CEP162: variants seen among roughly 807,000 people sequenced by gnomAD.
CEP162 encodes centrosomal protein of 162 kDa.
In CEP162, 141 loss-of-function variants were observed where a neutral mutation model predicts 169.2. The observed-to-expected ratio is 0.83, with a 90% CI of 0.73 to 0.96. The LOEUF is 0.96. CEP162 is among the 40% of genes least tolerant of loss of function. CEP162 has a pLI of 0.00. For synonymous variants in CEP162, 540 were observed against 526.4 expected (o/e 1.03, Z -0.35); for missense variants, 1,600 against 1,587.2 (o/e 1.01, Z -0.14).
At chr6:84,217,979 C>A (rs533619501) in intron 3 of CEP162, 55 of 152,266 alleles carry the variant, frequency 3.6e-4, no homozygotes, top group African/African-American at 1.3e-3. Context: ...TCTAATGGAA[C>A]AAGAGACGTG....
At position 84,193,611 on chromosome 6, in the gene CEP162, G is replaced by C; in HGVS notation, c.1107C>G (p.Val369=). The C allele has an allele frequency of 1.9e-6, 3 of 1,539,860 alleles. No individual in the cohort carries two copies. Among genetic ancestry groups the C allele is most frequent in the Non-Finnish European group, 1.8e-6 (2 of 1,135,496 alleles). The stretch of plus-strand genomic sequence containing the variant: ...AACAATAAATAAAAAATTCATACCT[G>C]ACAGGTTGTAAATCAAAACCACTGA... The part of the protein sequence containing the change: ...FGISGFDLQP[V]SSEKVAERKE... Residue 369 remains valine, a splice_region_variant and synonymous_variant, in exon 11 of 27, where the codon GTC becomes GTG. Transcript: ENST00000403245.
At chr6:84,198,436 C>A (rs942068954) in intron 9 of CEP162, among the ~76,000 whole-genome samples, 5 of 152,088 alleles carry the variant, frequency 3.3e-5, no homozygotes, top group Admixed American at 2.6e-4. Context: ...TGCCACCACA[C>A]CTGGCTAATT....
intron 3 of CEP162, among the ~76,000 whole-genome samples, chr6:84,217,484 C>T (rs2099552023): frequency 6.6e-6 from 1 of 152,006 alleles, no homozygotes; most frequent in Admixed American, 6.6e-5. Context: ...GCCTCTAAGC[C>T]AGGAAAATGC....
intron 25 of CEP162, among the ~76,000 whole-genome samples, chr6:84,133,053 T>C (rs1016351108): frequency 1.3e-5 from 2 of 152,218 alleles, no homozygotes; most frequent in Admixed American, 1.3e-4. Flanking sequence ...GTATGTCCTT[T>C]ATGTTTGTTA....
intron 13 of CEP162, among the ~76,000 whole-genome samples, chr6:84,180,404 A>C (rs147681579): frequency 6.6e-6 from 1 of 152,130 alleles, no homozygotes; most frequent in Non-Finnish European, 1.5e-5. Context: ...AATGGGCAAA[A>C]ACTAGAAGCA....
chr6:84,164,917 G>T (rs751158335), intron 18 of CEP162, among the ~76,000 whole-genome samples: 5 of 152,042 alleles, frequency 3.3e-5, no homozygotes, highest in Non-Finnish European at 5.9e-5. Flanking sequence ...TCCTTGCAGG[G>T]TTAACCCAAA....
chr6:84,165,456 G>C (rs903277900), intron 18 of CEP162, among the ~76,000 whole-genome samples: 1 of 151,964 alleles, frequency 6.6e-6, no homozygotes, highest in African/African-American at 2.4e-5. Flanking sequence ...GTTAAGCTAA[G>C]CTATTCCTGA....
At chr6:84,150,322 G>C (rs1246342684) in intron 23 of CEP162, among the ~76,000 whole-genome samples, 1 of 152,016 alleles carries the variant, frequency 6.6e-6, no homozygotes, top group Non-Finnish European at 1.5e-5. Flanking sequence ...ATAAAGATTT[G>C]GTATATTTCC....
At chr6:84,190,490 G>A (rs989082926) in intron 11 of CEP162, among the ~76,000 whole-genome samples, 1 of 152,108 alleles carries the variant, frequency 6.6e-6, no homozygotes. Flanking sequence ...TCGGGTCCAC[G>A]CTGCTTTTAT....
At chr6:84,158,907 G>T (rs959939748) in intron 21 of CEP162, among the ~76,000 whole-genome samples, 10 of 151,054 alleles carry the variant, frequency 6.6e-5, no homozygotes, top group Non-Finnish European at 1.2e-4. Context: ...ATATCAGTCT[G>T]GTATACAAAG....
At chr6:84,219,254 C>T in intron 3 of CEP162, 1 of 859,688 alleles carries the variant, frequency 1.2e-6, no homozygotes, top group Non-Finnish European at 1.7e-6. Context: ...TAACCGTTTG[C>T]TTGAATCAGG....
intron 25 of CEP162, among the ~76,000 whole-genome samples, chr6:84,128,111 C>A (rs1424010198): frequency 6.6e-6 from 1 of 152,162 alleles, no homozygotes; most frequent in East Asian, 1.9e-4. Context: ...CAGCGCTGCC[C>A]ATGGCAGAGA....
intron 21 of CEP162, among the ~76,000 whole-genome samples, chr6:84,156,561 T>G (rs1003036069): frequency 3.3e-5 from 5 of 152,072 alleles, no homozygotes; most frequent in African/African-American, 1.2e-4. Context: ...AGAAAGTTAA[T>G]AAACAGCAGA....
rs1287741526 is a variant in CEP162, at chr6:84,204,086, A to G, written c.582T>C (p.Ser194=). ...CAACATACTCATCTTCAAAATCATC[A>G]CTGTAATTTTCTGAAGAAAGTAATT... is the stretch of plus-strand genomic sequence containing the variant. ...SKHEELAENY[S]DDFEDEYVGA... is the part of the protein sequence containing the mutation. The change falls in exon 7 of 27, where the codon AGT becomes AGC. Residue 194 remains serine, a synonymous_variant. Transcript: ENST00000403245. 2 of 1,583,564 alleles carry G rather than the reference A, an allele frequency of 1.3e-6. No individual in the cohort carries two copies. The highest frequency in any genetic ancestry group is 1.7e-6 in the Non-Finnish European group (2 of 1,162,976).
At chr6:84,201,874 A>T (rs2099544654) in intron 7 of CEP162, 107 bp from the exon 8 acceptor site, 1 of 591,448 alleles carries the variant, frequency 1.7e-6, no homozygotes, top group African/African-American at 1.9e-5. Context: ...TTTATTCCAC[A>T]TTGAAACGAT....
chr6:84,206,201 C>T (rs1426048870), intron 6 of CEP162, among the ~76,000 whole-genome samples: 1 of 149,078 alleles, frequency 6.7e-6, no homozygotes, highest in African/African-American at 2.6e-5. Flanking sequence ...ACTTTCTTCA[C>T]AGAATTGGAA....
At chr6:84,177,293 T>G (rs1317219876) in intron 13 of CEP162, among the ~76,000 whole-genome samples, 7 of 152,164 alleles carry the variant, frequency 4.6e-5, no homozygotes, top group Non-Finnish European at 7.4e-5. Context: ...ATTTTCTCAT[T>G]TTATCCACCC....
chr6:84,217,663 A>T (rs1298712602), intron 3 of CEP162: 2 of 152,432 alleles, frequency 1.3e-5, no homozygotes, highest in Non-Finnish European at 2.9e-5. Context: ...ATTAGAGGGA[A>T]GAGGTGGCTA....
In CEP162 at chr6:84,195,066, T is replaced by C; in HGVS notation, c.845A>G (p.Tyr282Cys). Residue 282 changes from tyrosine (Y) to cysteine (C), a missense_variant, in exon 10 of 27, where the codon TAT becomes TGT. By Grantham distance (194) the Tyr-to-Cys change is radical. Transcript: ENST00000403245. The part of the protein sequence containing the change: ...ENEMTGTGVS[Y>C]GQSSSDVEAL... ...TTCAACGTCACTACTGCTTTGTCCA[T>C]AAGAAACACCTGTTGAAATAAACGT... 6.3e-7 allele frequency: 1 copy of C among 1,577,578 alleles called. No individual in the cohort carries two copies. Among genetic ancestry groups the C allele is most frequent in the Non-Finnish European group, 8.6e-7 (1 of 1,165,502 alleles).
Sources: gnomAD v4.1 joint callset for allele counts (sites outside exome capture counted in the v4.1 genomes callset) on GRCh38, gnomAD v4.1.1 for gene constraint, MANE v1.5 for transcripts, NCBI Gene and HGNC (gene_info 2026-07-23, HGNC 2026-07-21) for gene names.